The following CA5A variants were observed in gnomAD, a reference collection of about 807,000 sequenced individuals.
CA5A encodes the protein carbonic anhydrase 5A, also known as carbonic anhydrase 5A, mitochondrial.
In CA5A, 28 loss-of-function variants were observed where a neutral mutation model predicts 37.1. That is an observed-to-expected ratio of 0.75 (90% CI 0.56 to 1.03). CA5A has a LOEUF of 1.03. Ranked by LOEUF, CA5A falls within the 50% of genes least tolerant of loss-of-function variation. CA5A has a pLI of 0.00. For missense variants in CA5A, 444 were observed against 399.9 expected (o/e 1.11, Z -0.94); for synonymous variants, 171 against 158.4 (o/e 1.08, Z -0.60).
rs1289718391 is a variant in CA5A, at chr16:87,912,716, G to C, written c.341-7812C>G. ...GGCTTTGGGGCCCTAAACTTGCTTG[G>C]GACGCCCAGGAGGGCCCCCGTGGAA... is the stretch of plus-strand genomic sequence containing the variant. On this transcript the variant is annotated intron_variant, in intron 2 of 6. Coordinates refer to ENST00000649794, the MANE Select transcript of CA5A (RefSeq NM_001739.2). 8.5e-5 allele frequency among the ~76,000 whole-genome samples: 13 copies of C among 152,340 alleles called. No homozygotes were observed. The East Asian group carries it at 2.5e-3, about 29-fold the overall frequency.
chr16:87,911,424 C>T lies in CA5A; in HGVS notation c.341-6520G>A, dbSNP rs1287350900. On this transcript the variant is annotated intron_variant, in intron 2 of 6. Coordinates refer to ENST00000649794, the MANE Select transcript of CA5A (RefSeq NM_001739.2). This position sits in a 1 kb window ranked among gnomAD's most constrained non-coding sequence, Gnocchi z 4.6. ...TGTTAATAGCCATCTATTTGTAGTT[C>T]GGGGCTTTTACCAAGATGAGCAGGC... Among the ~76,000 whole-genome samples, 1 of 152,146 alleles carries T rather than the reference C, an allele frequency of 6.6e-6. No homozygotes were observed. The highest frequency in any genetic ancestry group is 2.4e-5 in the African/African-American group (1 of 41,414).
At chr16:87,913,140 G>A (rs1240177004) in intron 2 of CA5A, among the ~76,000 whole-genome samples, 2 of 151,708 alleles carry the variant, frequency 1.3e-5, no homozygotes, top group Non-Finnish European at 2.9e-5. Flanking sequence ...CACCACAACT[G>A]GCTAATTTTT....
chr16:87,891,422 C>T lies in CA5A; in HGVS notation c.774+377G>A, dbSNP rs185282498. Among the ~76,000 whole-genome samples the T allele has an allele frequency of 8.7e-3, 1,313 of 150,754 alleles. 14 individuals carry two copies. Among genetic ancestry groups the T allele is most frequent in the African/African-American group, 0.031 (1,251 of 40,998 alleles). On this transcript the variant is annotated intron_variant, in intron 6 of 6. Coordinates refer to ENST00000649794, the MANE Select transcript of CA5A (RefSeq NM_001739.2). ...GGTGGAGGTTGTAGTGAGCCGAGAT[C>T]GCACCACTGCACTCCAGCCTGGGCG...
At chr16:87,915,617 A>T (rs11648737) in intron 2 of CA5A, among the ~76,000 whole-genome samples, 168 of 108,916 alleles carry the variant, frequency 1.5e-3, no homozygotes, top group South Asian at 4.4e-3. Flanking sequence ...TGAGCTCAGG[A>T]GGTCGAGGCT....
chr16:87,934,997 C>G (rs1460347493), intron 1 of CA5A, among the ~76,000 whole-genome samples: 1 of 152,204 alleles, frequency 6.6e-6, no homozygotes, highest in African/African-American at 2.4e-5. Flanking sequence ...GTGGGCCAGG[C>G]TTTCTACACG....
chr16:87,904,292 A>G (rs2055924712), intron 3 of CA5A, among the ~76,000 whole-genome samples: 1 of 152,068 alleles, frequency 6.6e-6, no homozygotes, highest in African/African-American at 2.4e-5. Context: ...TGGTGAGCCA[A>G]GATTGCACCA....
intron 2 of CA5A, chr16:87,923,436 C>T (rs370511124): frequency 5.6e-6 from 3 of 532,730 alleles, no homozygotes; most frequent in East Asian, 1.5e-4. Context: ...GATCCACCCA[C>T]CTCGGCTTCC....
chr16:87,914,173 C>T (rs1033328401), intron 2 of CA5A, among the ~76,000 whole-genome samples: 4 of 152,184 alleles, frequency 2.6e-5, no homozygotes, highest in East Asian at 1.9e-4. Context: ...AGGAACTTCT[C>T]GTATGGAGCA....
chr16:87,917,451 G>T (rs147072513), intron 2 of CA5A, among the ~76,000 whole-genome samples: 2 of 152,342 alleles, frequency 1.3e-5, no homozygotes, highest in African/African-American at 4.8e-5. Context: ...TTTCAGTCTT[G>T]AGGACCAGAA....
intron 1 of CA5A, among the ~76,000 whole-genome samples, chr16:87,929,699 G>T (rs192916001): frequency 1.3e-4 from 19 of 150,636 alleles, no homozygotes; most frequent in South Asian, 2.1e-4. Context: ...CGTGAAACCC[G>T]GTCTCTACTA....
At chr16:87,923,838 A>G (rs1456780994) in intron 2 of CA5A, 1 of 984,956 alleles carries the variant, frequency 1.0e-6, no homozygotes, top group African/African-American at 1.7e-5. Flanking sequence ...ACTCATCTGT[A>G]TCCATGACAA....
intron 5 of CA5A, among the ~76,000 whole-genome samples, chr16:87,898,771 G>A (rs1401414627): frequency 7.1e-6 from 1 of 140,056 alleles, no homozygotes; most frequent in Non-Finnish European, 1.5e-5. Context: ...TTCTCGAGCT[G>A]TCACCCAGAC....
intron 1 of CA5A, among the ~76,000 whole-genome samples, chr16:87,933,100 G>C (rs2056429992): frequency 1.3e-5 from 2 of 152,162 alleles, no homozygotes; most frequent in Admixed American, 1.3e-4. Context: ...GTCAGCCCGG[G>C]GGGAGCCAAA....
chr16:87,902,965 G>GC (rs2055902143), intron 3 of CA5A, among the ~76,000 whole-genome samples: 2 of 151,442 alleles, frequency 1.3e-5, no homozygotes, highest in African/African-American at 4.9e-5. Flanking sequence ...TAAGATCCCA[G>GC]CACCAGCAGC....
chr16:87,926,224 A>G (rs533814322), intron 2 of CA5A, among the ~76,000 whole-genome samples: 54 of 145,496 alleles, frequency 3.7e-4, no homozygotes, highest in African/African-American at 1.5e-3. Context: ...GTCTCAATAT[A>G]AAATAAAATA....
chr16:87,916,520 T>C (rs1451355092), intron 2 of CA5A, among the ~76,000 whole-genome samples: 3 of 152,184 alleles, frequency 2.0e-5, no homozygotes, highest in Admixed American at 6.5e-5. Flanking sequence ...CCTCCCTCAG[T>C]GGAGTCACCG....
chr16:87,936,222 G>A, intron 1 of CA5A, 87 bp downstream of exon 1: 1 of 905,982 alleles, frequency 1.1e-6, no homozygotes, highest in Non-Finnish European at 1.8e-6. Flanking sequence ...TCTGGCTCGG[G>A]ACGGTCTCTC....
At chr16:87,899,919 C>CAAAAAAAAAA (rs565557401) in intron 5 of CA5A, among the ~76,000 whole-genome samples, 42 of 46,534 alleles carry the variant, frequency 9.0e-4, no homozygotes, top group African/African-American at 3.2e-3. Context: ...GATTTTATCT[C>CAAAAAAAAAA]AAAAAAAAAA....
intron 1 of CA5A, among the ~76,000 whole-genome samples, chr16:87,931,156 G>T (rs1320214451): frequency 1.3e-5 from 2 of 151,072 alleles, no homozygotes; most frequent in African/African-American, 4.9e-5. Context: ...CTGTTGCCAG[G>T]GCTGGAGTGC....
Sources: gnomAD v4.1 joint callset for allele counts (sites outside exome capture counted in the v4.1 genomes callset) on GRCh38, gnomAD v4.1.1 for gene constraint, Gnocchi (gnomAD v3.1) non-coding constraint, MANE v1.5 for transcripts, NCBI Gene and HGNC (gene_info 2026-07-23, HGNC 2026-07-21) for gene names.